The following GLRA3 variants were observed in gnomAD, a reference collection of about 807,000 sequenced individuals.
GLRA3 encodes glycine receptor alpha 3.
A neutral mutation model predicts 60.4 loss-of-function variants in GLRA3; 44 were observed. The observed-to-expected ratio is 0.73, with a 90% CI of 0.57 to 0.94. The LOEUF is 0.94. GLRA3 is among the 40% of genes least tolerant of loss of function. The pLI is 0.00. For synonymous variants in GLRA3, 223 were observed against 192.9 expected, an observed-to-expected ratio of 1.16 and a Z score of -1.29; for missense variants, 508 against 564.6, an observed-to-expected ratio of 0.90 and a Z score of 1.02.
intron 6 of GLRA3, among the ~76,000 whole-genome samples, chr4:174,678,974 GA>G (rs919909588): frequency 2.4e-4 from 37 of 151,952 alleles, no homozygotes; most frequent in African/African-American, 8.7e-4. Flanking sequence ...GATTCTCAAG[GA>G]AAAAAATAAG....
chr4:174,790,825 C>CAAAAAAAAAAAAAA (rs751090125), intron 1 of GLRA3, among the ~76,000 whole-genome samples: 27 of 65,000 alleles, frequency 4.2e-4, no homozygotes, highest in South Asian at 7.0e-4. Context: ...CTAAAAAATA[C>CAAAAAAAAAAAAAA]AAAAAAAAAA....
intron 3 of GLRA3, among the ~76,000 whole-genome samples, chr4:174,749,159 G>C (rs1579547548): frequency 6.6e-6 from 1 of 152,236 alleles, no homozygotes. Flanking sequence ...TTTCAGCAGT[G>C]TGTTCCTGGA....
chr4:174,758,576 G>A (rs1233078110), intron 3 of GLRA3, among the ~76,000 whole-genome samples: 2 of 152,036 alleles, frequency 1.3e-5, no homozygotes, highest in African/African-American at 4.8e-5. Flanking sequence ...ATAGGATAAC[G>A]GGACAGAAAA....
At chr4:174,722,088 T>C (rs1736155484) in intron 4 of GLRA3, among the ~76,000 whole-genome samples, 1 of 152,112 alleles carries the variant, frequency 6.6e-6, no homozygotes, top group South Asian at 2.1e-4. Context: ...ATATGTATCA[T>C]CTGTATTCTT....
chr4:174,718,024 A>G (rs1346557632), intron 4 of GLRA3, among the ~76,000 whole-genome samples: 1 of 152,222 alleles, frequency 6.6e-6, no homozygotes, highest in African/African-American at 2.4e-5. Context: ...ATAAAAAAAG[A>G]GACATTACAT....
At chr4:174,818,002 GT>G (rs1244648713) in intron 1 of GLRA3, among the ~76,000 whole-genome samples, 1 of 151,906 alleles carries the variant, frequency 6.6e-6, no homozygotes, top group African/African-American at 2.4e-5. Context: ...GACCATGTTA[GT>G]TTTTAAAAAT....
At chr4:174,733,788 C>T (rs1407047092) in intron 3 of GLRA3, among the ~76,000 whole-genome samples, 1 of 152,184 alleles carries the variant, frequency 6.6e-6, no homozygotes, top group Non-Finnish European at 1.5e-5. Flanking sequence ...GCATGGGATG[C>T]TGTGCCTCTT....
Position 174,659,172 on chromosome 4 carries a change from A to G in GLRA3, c.953T>C (p.Ile318Thr). 6.2e-7 allele frequency: 1 copy of G among 1,612,516 alleles called. No individual in the cohort carries two copies. The highest frequency in any genetic ancestry group is 8.5e-7 in the Non-Finnish European group (1 of 1,179,074). ...PKVSYVKAID[I>T]WMAVCLLFVF... ...AAAAAGGAGGCATACTGCCATCCAA[A>G]TATCAATAGCTTTGACATATGAAAC... The change falls in exon 8 of 10, where the codon ATT (isoleucine) becomes ACT (threonine). Residue 318 changes from isoleucine to threonine, a missense_variant. Transcript: ENST00000274093.
chr4:174,778,571 C>G (rs1738708394), intron 2 of GLRA3, among the ~76,000 whole-genome samples: 1 of 152,148 alleles, frequency 6.6e-6, no homozygotes, highest in South Asian at 2.1e-4. Context: ...GTACCGGGTT[C>G]ATCTCACTGG....
At chr4:174,809,928 G>A (rs1740195491) in intron 1 of GLRA3, among the ~76,000 whole-genome samples, 1 of 151,846 alleles carries the variant, frequency 6.6e-6, no homozygotes. Flanking sequence ...AAGAAATTAA[G>A]ACTTTTATAG....
chr4:174,814,034 C>T (rs1037780021), intron 1 of GLRA3, among the ~76,000 whole-genome samples: 1 of 151,954 alleles, frequency 6.6e-6, no homozygotes, highest in Non-Finnish European at 1.5e-5. Context: ...AGGAGTAGAA[C>T]TCTGTGTGGC....
intron 7 of GLRA3, among the ~76,000 whole-genome samples, chr4:174,660,862 T>G (rs981911575): frequency 6.6e-6 from 1 of 152,222 alleles, no homozygotes; most frequent in Non-Finnish European, 1.5e-5. Flanking sequence ...TACATTAACA[T>G]CATTATTTAT....
chr4:174,685,340 T>A (rs1329809590), intron 5 of GLRA3, among the ~76,000 whole-genome samples: 1 of 152,164 alleles, frequency 6.6e-6, no homozygotes, highest in Non-Finnish European at 1.5e-5. Flanking sequence ...CACCGTCCAC[T>A]CTACAGGCAG....
In GLRA3 at chr4:174,637,429, A is replaced by G. The variant is rs555484169; in HGVS notation, c.*6357T>C. 1 of 152,238 alleles carries G rather than the reference A, an allele frequency of 6.6e-6. No individual in the cohort carries two copies. The highest frequency in any genetic ancestry group is 1.5e-5 in the Non-Finnish European group (1 of 68,032). The allele number at this position is 152,238 out of a possible 1,614,324, so 9.4% of individuals were successfully genotyped here. A position where few individuals can be genotyped will look rare whatever the true frequency, so the allele number is the denominator to read the frequency against. On this transcript the variant is annotated 3_prime_UTR_variant, in exon 10 of 10. Transcript: ENST00000274093. ...CATACATTAAAATACAAATTTAAGTAATGACCATTGAATAATTCATAGAGA... is the reference window on the plus strand; with the variant it reads ...CATACATTAAAATACAAATTTAAGTGATGACCATTGAATAATTCATAGAGA...
intron 1 of GLRA3, among the ~76,000 whole-genome samples, chr4:174,815,233 G>A (rs1287693870): frequency 6.6e-6 from 1 of 152,168 alleles, no homozygotes; most frequent in African/African-American, 2.4e-5. Flanking sequence ...CAAGAGGTGG[G>A]CTCCCATGGC....
At chr4:174,688,997 G>A (rs1734674738) in intron 5 of GLRA3, among the ~76,000 whole-genome samples, 2 of 152,120 alleles carry the variant, frequency 1.3e-5, no homozygotes, top group Admixed American at 1.3e-4. Flanking sequence ...ATTTTAAGGT[G>A]ATAAGTTTCC....
chr4:174,694,594 A>C (rs1734979484), intron 5 of GLRA3, among the ~76,000 whole-genome samples: 1 of 152,216 alleles, frequency 6.6e-6, no homozygotes, highest in South Asian at 2.1e-4. Context: ...CAGTGTTAAG[A>C]AGGACATTGA....
At chr4:174,719,132 T>C (rs1430316590) in intron 4 of GLRA3, among the ~76,000 whole-genome samples, 1 of 151,472 alleles carries the variant, frequency 6.6e-6, no homozygotes, top group East Asian at 1.9e-4. Context: ...CCCGGCTAAT[T>C]TTTTGTATTT....
chr4:174,707,086 G>T (rs1314473827), intron 5 of GLRA3, among the ~76,000 whole-genome samples: 1 of 152,086 alleles, frequency 6.6e-6, no homozygotes, highest in Non-Finnish European at 1.5e-5. Flanking sequence ...TATAAGCAAG[G>T]ATTTCAAAAT....
Sources: gnomAD v4.1 joint callset for allele counts (sites outside exome capture counted in the v4.1 genomes callset) on GRCh38, gnomAD v4.1.1 for gene constraint, MANE v1.5 for transcripts, NCBI Gene and HGNC (gene_info 2026-07-23, HGNC 2026-07-21) for gene names.